The following MAPT variants were observed in gnomAD, a reference collection of about 807,000 sequenced individuals.
The protein encoded by MAPT is microtubule associated protein tau, also known as microtubule-associated protein tau.
A neutral mutation model predicts 67.9 loss-of-function variants in MAPT; 34 were observed. The ratio of observed to expected loss-of-function variants is 0.50; its 90% CI spans 0.38 to 0.67. MAPT has a LOEUF of 0.67. Among genes scored for constraint, MAPT ranks in the 30% least tolerant of loss-of-function variants. The probability of loss-of-function intolerance (pLI) is 0.00; values close to 1 mark genes in which losing one functional copy is unlikely to be tolerated. For missense variants in MAPT, 881 were observed against 1,115.2 expected (o/e 0.79, Z 2.99); for synonymous variants, 456 against 464.5 (o/e 0.98, Z 0.23).
chr17:46,003,200 TTCTC>T (rs895984685), intron 9 of MAPT, among the ~76,000 whole-genome samples: 4 of 151,930 alleles, frequency 2.6e-5, no homozygotes, highest in Non-Finnish European at 4.4e-5. Flanking sequence ...TCCGATCTGT[TTCTC>T]TCTCCTTTTA....
chr17:45,927,807 T>C (rs2066486270), intron 1 of MAPT, among the ~76,000 whole-genome samples: 1 of 151,904 alleles, frequency 6.6e-6, no homozygotes, highest in Non-Finnish European at 1.5e-5. Flanking sequence ...GAGACCATCC[T>C]GGCTAACATG....
chr17:45,917,954 G>A (rs955686687), intron 1 of MAPT, among the ~76,000 whole-genome samples: 1 of 152,078 alleles, frequency 6.6e-6, no homozygotes, highest in Non-Finnish European at 1.5e-5. Flanking sequence ...TGTATTATTA[G>A]TAGAGACGGG....
intron 12 of MAPT, among the ~76,000 whole-genome samples, chr17:46,019,238 C>T (rs1329539129): frequency 6.6e-6 from 1 of 152,182 alleles, no homozygotes; most frequent in Non-Finnish European, 1.5e-5. Context: ...AACCATCAGA[C>T]CTCATGAGAT....
intron 12 of MAPT, 79 bp from the exon 13 acceptor site, chr17:46,023,877 C>A: frequency 1.6e-6 from 2 of 1,239,650 alleles, no homozygotes; most frequent in Non-Finnish European, 2.4e-6. Flanking sequence ...CACTCTGGGC[C>A]AGGCCTGGCA....
intron 2 of MAPT, among the ~76,000 whole-genome samples, chr17:45,966,056 G>A (rs1162119533): frequency 2.0e-5 from 3 of 152,202 alleles, no homozygotes; most frequent in African/African-American, 7.2e-5. Flanking sequence ...TGGAATCCAA[G>A]TTAGAATCAC....
At chr17:45,901,843 C>G (rs2063629502) in intron 1 of MAPT, among the ~76,000 whole-genome samples, 1 of 151,604 alleles carries the variant, frequency 6.6e-6, no homozygotes, top group Non-Finnish European at 1.5e-5. Context: ...TGTCTGGGTC[C>G]TCCGATTTCA....
intron 1 of MAPT, among the ~76,000 whole-genome samples, chr17:45,954,899 T>G (rs1009434151): frequency 2.6e-5 from 4 of 151,876 alleles, no homozygotes; most frequent in Non-Finnish European, 5.9e-5. Flanking sequence ...CAGGAGAATG[T>G]CTTGAACCCG....
At chr17:46,009,442 C>A (rs1212927566) in intron 9 of MAPT, among the ~76,000 whole-genome samples, 2 of 147,108 alleles carry the variant, frequency 1.4e-5, no homozygotes, top group African/African-American at 4.9e-5. Flanking sequence ...CAGAAAGAAC[C>A]TTCCAGAAAT....
chr17:45,929,807 C>T (rs2066679616), intron 1 of MAPT, among the ~76,000 whole-genome samples: 1 of 152,040 alleles, frequency 6.6e-6, no homozygotes, highest in African/African-American at 2.4e-5. Context: ...TCTTCATTAC[C>T]CACAACTTGC....
At chr17:45,973,062 T>C (rs2071891106) in intron 3 of MAPT, 1 of 152,226 alleles carries the variant, frequency 6.6e-6, no homozygotes. Flanking sequence ...TCAGTACTTC[T>C]TCAGGCTCTG....
intron 1 of MAPT, among the ~76,000 whole-genome samples, chr17:45,899,261 G>C (rs77561671): frequency 9.2e-5 from 14 of 152,212 alleles, no homozygotes; most frequent in East Asian, 7.7e-4. Context: ...CAGGAATGCT[G>C]TTAAACATCC....
chr17:45,998,000 G>A (rs2074644941), intron 9 of MAPT, among the ~76,000 whole-genome samples: 2 of 152,196 alleles, frequency 1.3e-5, no homozygotes, highest in Non-Finnish European at 2.9e-5. Context: ...GTGAAGAGGA[G>A]GCTGGGGGTG....
chr17:46,023,928 C>T, intron 12 of MAPT, 28 bp from the exon 13 acceptor site: 2 of 1,601,066 alleles, frequency 1.2e-6, no homozygotes, highest in African/African-American at 1.3e-5. Context: ...CACTTCATCT[C>T]ACCCTCCCTC....
intron 1 of MAPT, 47 bp from the exon 2 acceptor site, chr17:45,962,274 G>T (rs1013236294): frequency 1.3e-6 from 2 of 1,528,522 alleles, no homozygotes; most frequent in African/African-American, 2.7e-5. Flanking sequence ...CCCCCACTCT[G>T]CCCCCCAACA....
intron 1 of MAPT, among the ~76,000 whole-genome samples, chr17:45,936,615 A>G (rs1231477988): frequency 6.6e-6 from 1 of 152,232 alleles, no homozygotes; most frequent in African/African-American, 2.4e-5. Flanking sequence ...CGTTAATAAT[A>G]GATGCTTCCT....
chr17:45,921,649 A>C (rs1034383400), intron 1 of MAPT, among the ~76,000 whole-genome samples: 4 of 152,246 alleles, frequency 2.6e-5, no homozygotes, highest in Non-Finnish European at 5.9e-5. Flanking sequence ...TTTCAAGATA[A>C]ATCAGAAATC....
intron 1 of MAPT, among the ~76,000 whole-genome samples, chr17:45,914,600 A>C (rs935061772): frequency 6.6e-6 from 1 of 152,244 alleles, no homozygotes; most frequent in East Asian, 1.9e-4. Flanking sequence ...TAACTCTGGA[A>C]GGAAGAATGA....
chr17:45,935,288 C>T (rs1014308782), intron 1 of MAPT, among the ~76,000 whole-genome samples: 3 of 152,088 alleles, frequency 2.0e-5, no homozygotes, highest in Admixed American at 2.0e-4. Flanking sequence ...CCTCCCCAGC[C>T]CCCTAATTTC....
intron 1 of MAPT, among the ~76,000 whole-genome samples, chr17:45,951,911 A>G (rs185920491): frequency 1.9e-3 from 286 of 152,238 alleles, no homozygotes; most frequent in African/African-American, 6.6e-3. Context: ...AGAGAGAGAG[A>G]GGAGGAGAGA....
Sources: allele counts gnomAD v4.1 joint callset (sites outside exome capture counted in the v4.1 genomes callset), GRCh38; gene constraint gnomAD v4.1.1; transcripts MANE v1.5; gene names NCBI Gene and HGNC (gene_info 2026-07-23, HGNC 2026-07-21).